The following UGT2B10 variants were observed in gnomAD, a reference collection of about 807,000 sequenced individuals.
The protein encoded by UGT2B10 is UDP-glucuronosyltransferase 2B10.
In UGT2B10, 51 loss-of-function variants were observed where a neutral mutation model predicts 43.7. That is an observed-to-expected ratio of 1.17 (90% CI 0.93 to 1.47). The LOEUF is 1.47. Ranked by LOEUF, UGT2B10 falls within the 40% of genes most tolerant of loss-of-function variation. The probability of loss-of-function intolerance (pLI) is 0.00; values close to 1 mark genes in which losing one functional copy is unlikely to be tolerated. For missense variants in UGT2B10, 696 were observed against 617.7 expected, an observed-to-expected ratio of 1.13 and a Z score of -1.34; for synonymous variants, 225 against 209.0, an observed-to-expected ratio of 1.08 and a Z score of -0.66.
intron 5 of UGT2B10, among the ~76,000 whole-genome samples, chr4:68,829,772 G>A (rs750240429): frequency 6.6e-6 from 1 of 152,000 alleles, no homozygotes; most frequent in Non-Finnish European, 1.5e-5. Flanking sequence ...AAAATAGTAG[G>A]CCAATCTAGA....
Position 68,827,548 on chromosome 4 carries a change from C to T in UGT2B10, c.1307C>T (p.Ser436Leu), listed in dbSNP as rs375008131. The change falls in exon 5 of 6, where the codon TCA (serine) becomes TTA (leucine). Residue 436 changes from serine (S) to leucine (L), a missense_variant and splice_region_variant. Physicochemically the swap from Ser to Leu is moderately radical, Grantham distance 145 (BLOSUM62 -2). Transcript: ENST00000265403. ...NALKTVINDP[S>L]YKENIMKLSR... ...CTGAAGACAGTAATTAATGATCCTT[C>T]GTGAGTAGAACAATATTTTTCACTA... is the stretch of plus-strand genomic sequence containing the variant. 168 of 1,612,972 alleles carry T rather than the reference C, an allele frequency of 1.0e-4. No individual in the cohort carries two copies. Among genetic ancestry groups the T allele is most frequent in the African/African-American group, 1.0e-3 (78 of 74,936 alleles).
At chr4:68,823,915 A>T (rs2670431) in intron 3 of UGT2B10, among the ~76,000 whole-genome samples, 142,017 of 152,208 alleles carry the variant, frequency 0.93, 67,050 homozygotes, top group East Asian at 1. Flanking sequence ...ATCATGTTAT[A>T]GGGATCAGGT....
intron 4 of UGT2B10, among the ~76,000 whole-genome samples, chr4:68,826,983 T>A (rs1448225875): frequency 5.3e-5 from 8 of 152,196 alleles, no homozygotes; most frequent in Non-Finnish European, 1.0e-4. Flanking sequence ...GCCTGCTGCC[T>A]TGCACACCCC....
At chr4:68,820,363 C>G (rs1737432718) in intron 2 of UGT2B10, among the ~76,000 whole-genome samples, 1 of 151,958 alleles carries the variant, frequency 6.6e-6, no homozygotes, top group Non-Finnish European at 1.5e-5. Flanking sequence ...GAGAATAAGA[C>G]ACTTGACAAA....
At chr4:68,829,405 G>A (rs2109705495) in intron 5 of UGT2B10, among the ~76,000 whole-genome samples, 2 of 152,020 alleles carry the variant, frequency 1.3e-5, no homozygotes, top group Non-Finnish European at 2.9e-5. Context: ...AGGTAAATTG[G>A]TATTTTTGCC....
intron 3 of UGT2B10, among the ~76,000 whole-genome samples, chr4:68,822,603 C>T (rs770000465): frequency 2.0e-5 from 3 of 152,104 alleles, no homozygotes; most frequent in Non-Finnish European, 2.9e-5. Flanking sequence ...GGGGTAGTTA[C>T]TACCCTTGGT....
At position 68,830,995 on chromosome 4, in the gene UGT2B10, C is replaced by A; in HGVS notation, c.*116C>A. 7.2e-7 allele frequency: 1 copy of A among 1,382,654 alleles called. No homozygotes were observed. Among genetic ancestry groups the A allele is most frequent in the Non-Finnish European group, 9.7e-7 (1 of 1,027,170 alleles). 85.6% of individuals were successfully genotyped at this position (1,382,654 alleles called of 1,614,324 possible). A position where few individuals can be genotyped will look rare whatever the true frequency, so the allele number is the denominator to read the frequency against. ...TTCCTGTGACAAAAAAAAATCCTTT[C>A]GAAGTCTACCTTGTCAAGTAAAAAT... On this transcript the variant is annotated 3_prime_UTR_variant, in exon 6 of 6. Coordinates refer to ENST00000265403, the MANE Select transcript of UGT2B10 (RefSeq NM_001075.6).
intron 3 of UGT2B10, among the ~76,000 whole-genome samples, chr4:68,826,035 AC>A (rs1737755026): frequency 6.6e-6 from 1 of 151,882 alleles, no homozygotes; most frequent in Non-Finnish European, 1.5e-5. Context: ...GGCCATTCTG[AC>A]TGGTGTGCGA....
Position 68,816,565 on chromosome 4 carries a change from C to G in UGT2B10, c.546C>G (p.His182Gln). ...SFSPGYSFER[H>Q]SGGFIFPPSY... Reference sequence around the variant, plus strand: ...GTCCTGGCTACTCATTTGAAAGGCACAGTGGAGGATTTATTTTCCCTCCTT... The same window carrying G: ...GTCCTGGCTACTCATTTGAAAGGCAGAGTGGAGGATTTATTTTCCCTCCTT... The change falls in exon 1 of 6, where the codon CAC becomes CAG. Residue 182 changes from histidine to glutamine, a missense_variant. Coordinates refer to ENST00000265403, the MANE Select transcript of UGT2B10 (RefSeq NM_001075.6). The G allele has an allele frequency of 6.2e-7, 1 of 1,612,644 alleles. No homozygotes were observed. The highest frequency in any genetic ancestry group is 8.5e-7 in the Non-Finnish European group (1 of 1,179,350).
Position 68,830,853 on chromosome 4 carries a change from A to G in UGT2B10, c.1561A>G (p.Lys521Glu), listed in dbSNP as rs762580817. Residue 521 changes from lysine to glutamate, a missense_variant, in exon 6 of 6, where the codon AAA (lysine) becomes GAA (glutamate). Transcript: ENST00000265403. ...CLFCFWKFAR[K>E]GKKGKRD Reference sequence around the variant, plus strand: ...GTTTTGTTTCTGGAAGTTTGCTAGAAAAGGAAAGAAGGGAAAAAGGGATTA... The same window carrying G: ...GTTTTGTTTCTGGAAGTTTGCTAGAGAAGGAAAGAAGGGAAAAAGGGATTA... 5.0e-6 allele frequency: 8 copies of G among 1,612,930 alleles called. No homozygotes were observed. The highest frequency in any genetic ancestry group is 6.8e-6 in the Non-Finnish European group (8 of 1,179,394).
In UGT2B10 at chr4:68,818,188, T is replaced by C. The variant is rs565035135; in HGVS notation, c.867+11T>C. ...AAACCCCTACCTAAGGTAAACATACTTTCGTTGGTTTTATTTTGTTGGCTT... is the reference window on the plus strand; with the variant it reads ...AAACCCCTACCTAAGGTAAACATACCTTCGTTGGTTTTATTTTGTTGGCTT... On this transcript the variant is annotated intron_variant, in intron 2 of 5. Coordinates refer to ENST00000265403, the MANE Select transcript of UGT2B10 (RefSeq NM_001075.6). 1.7e-5 allele frequency: 28 copies of C among 1,606,464 alleles called. No individual in the cohort carries two copies. In the East Asian group the frequency reaches 5.8e-4, roughly 33 times the overall value.
intron 5 of UGT2B10, among the ~76,000 whole-genome samples, chr4:68,829,732 A>G (rs1300137605): frequency 6.6e-6 from 1 of 152,038 alleles, no homozygotes; most frequent in Non-Finnish European, 1.5e-5. Context: ...GTAAAGTGCT[A>G]AGATGAGAAC....
At chr4:68,820,026 G>A (rs1737414572) in intron 2 of UGT2B10, among the ~76,000 whole-genome samples, 1 of 151,948 alleles carries the variant, frequency 6.6e-6, no homozygotes, top group Non-Finnish European at 1.5e-5. Flanking sequence ...AGAGACAAAA[G>A]TTGAGGTAAG....
intron 4 of UGT2B10, 100 bp from the exon 5 acceptor site, chr4:68,827,229 T>A (rs1486614400): frequency 6.4e-7 from 1 of 1,571,498 alleles, no homozygotes; most frequent in Non-Finnish European, 8.7e-7. Context: ...GCAAATTAGT[T>A]CAGTGTGTTA....
rs115615611 is a variant in UGT2B10 at position 68,829,192 on chromosome 4, T to C, written c.1308-1408T>C. Reference sequence around the variant, plus strand: ...AACAAAATACTACACAGCAATGGAATTACCCAAGAACGGTTACACTAAAAA... The same window carrying C: ...AACAAAATACTACACAGCAATGGAACTACCCAAGAACGGTTACACTAAAAA... On this transcript the variant is annotated intron_variant, in intron 5 of 5. Transcript: ENST00000265403. Among the ~76,000 whole-genome samples, 970 of 152,140 alleles carry C rather than the reference T, an allele frequency of 6.4e-3. 16 individuals carry two copies. Among genetic ancestry groups the C allele is most frequent in the African/African-American group, 0.022 (927 of 41,554 alleles).
At chr4:68,819,295 A>G (rs145780962) in intron 2 of UGT2B10, among the ~76,000 whole-genome samples, 2 of 151,940 alleles carry the variant, frequency 1.3e-5, no homozygotes, top group South Asian at 2.1e-4. Context: ...AGAGAACCAG[A>G]TTATTCAGCA....
intron 5 of UGT2B10, among the ~76,000 whole-genome samples, chr4:68,830,002 C>A (rs960869344): frequency 7.2e-5 from 11 of 151,948 alleles, no homozygotes; most frequent in South Asian, 4.2e-4. Flanking sequence ...ATCTAGAAGC[C>A]AAGTGACTAG....
intron 4 of UGT2B10, among the ~76,000 whole-genome samples, 177 bp from the exon 5 acceptor site, chr4:68,827,152 C>A (rs1192085751): frequency 1.3e-5 from 2 of 152,042 alleles, no homozygotes; most frequent in Admixed American, 6.6e-5. Context: ...GTCACACCAC[C>A]ATATAGCCTT....
rs754496320 is a variant in UGT2B10 at position 68,816,458 on chromosome 4, G to C, written c.439G>C (p.Val147Leu). Residue 147 changes from valine to leucine, a missense_variant, in exon 1 of 6, where the codon GTT becomes CTT. Val to Leu is a conservative substitution (Grantham distance 32, BLOSUM62 1). Transcript: ENST00000265403. ...KKLQESRFDI[V>L]FADAYLPCGE... is the part of the protein sequence containing the mutation. Reference sequence around the variant, plus strand: ...ACTACAAGAGTCAAGATTTGACATCGTTTTTGCAGATGCTTATTTACCCTG... The same window carrying C: ...ACTACAAGAGTCAAGATTTGACATCCTTTTTGCAGATGCTTATTTACCCTG... 1 of 1,613,206 alleles carries C rather than the reference G, an allele frequency of 6.2e-7. No homozygotes were observed. Among genetic ancestry groups the C allele is most frequent in the Non-Finnish European group, 8.5e-7 (1 of 1,179,458 alleles).
Sources: gnomAD v4.1 joint callset for allele counts (sites outside exome capture counted in the v4.1 genomes callset) on GRCh38, gnomAD v4.1.1 for gene constraint, MANE v1.5 for transcripts, NCBI Gene and HGNC (gene_info 2026-07-23, HGNC 2026-07-21) for gene names.